Variants in CLIC5 observed in about 807,000 individuals in gnomAD.
CLIC5 encodes the protein CLIC family member 5.
Under a neutral mutation model 24.7 loss-of-function variants are expected in CLIC5, and 20 were observed. The ratio of observed to expected loss-of-function variants is 0.81; its 90% CI spans 0.57 to 1.18. CLIC5 has a LOEUF of 1.18. Among genes scored for constraint, CLIC5 ranks in the 50% most tolerant of loss-of-function variants. CLIC5 has a pLI of 0.00. For missense variants in CLIC5, 341 were observed against 326.1 expected, an observed-to-expected ratio of 1.05 and a Z score of -0.35; for synonymous variants, 159 against 135.6, an observed-to-expected ratio of 1.17 and a Z score of -1.20.
rs1762292846 is a variant in CLIC5 at position 46,061,867 on chromosome 6, A to T, written c.540+17836T>A. Among the ~76,000 whole-genome samples the T allele has an allele frequency of 2.6e-5, 4 of 152,220 alleles. No individual in the cohort carries two copies. The South Asian group carries it at 6.2e-4, about 24-fold the overall frequency. ...CTGTCTCACTAAATCCCATCACTCC[A>T]CCTTTTATATTCAGACAAGAATAAA... On this transcript the variant is annotated intron_variant, in intron 1 of 5. Transcript: ENST00000185206.
rs144539038 is a variant in CLIC5 at position 45,993,036 on chromosome 6, A to G, written c.63+22444T>C. Among the ~76,000 whole-genome samples the G allele has an allele frequency of 3.3e-5, 5 of 152,338 alleles. No homozygotes were observed. The East Asian group carries it at 7.7e-4, about 24-fold the overall frequency. Reference sequence around the variant, plus strand: ...ATATTTGAGGAGAGGTTTCCCATCAATAACCAAGAAAGCAGTTCTGGTCCA... The same window carrying G: ...ATATTTGAGGAGAGGTTTCCCATCAGTAACCAAGAAAGCAGTTCTGGTCCA... On this transcript the variant is annotated intron_variant, in intron 1 of 5. Coordinates refer to ENST00000339561, the MANE Select transcript of CLIC5 (RefSeq NM_016929.5).
chr6:46,098,814 G>A, the CLIC5 span, among the ~76,000 whole-genome samples: 1 of 152,168 alleles, frequency 6.6e-6, no homozygotes. Flanking sequence ...GAGGGCAGTG[G>A]AGGGAGGTTG....
chr6:46,029,390 C>T (rs1379056558), intron 1 of CLIC5, among the ~76,000 whole-genome samples: 1 of 152,190 alleles, frequency 6.6e-6, no homozygotes, highest in Non-Finnish European at 1.5e-5. Flanking sequence ...GAAGAACAGA[C>T]ATTTTTCTTA....
intron 4 of CLIC5, among the ~76,000 whole-genome samples, chr6:45,934,750 G>A (rs867594058): frequency 6.6e-6 from 1 of 152,172 alleles, no homozygotes; most frequent in Non-Finnish European, 1.5e-5. Flanking sequence ...AAGAAAAGGG[G>A]CAAAAGCACA....
At chr6:45,985,163 T>C (rs1382799604) in intron 1 of CLIC5, among the ~76,000 whole-genome samples, 6 of 152,082 alleles carry the variant, frequency 3.9e-5, no homozygotes, top group African/African-American at 1.4e-4. Flanking sequence ...GGGAAACCTG[T>C]GGGAGAGAAG....
chr6:45,988,317 C>G (rs565915571), intron 1 of CLIC5, among the ~76,000 whole-genome samples: 1 of 152,194 alleles, frequency 6.6e-6, no homozygotes, highest in Non-Finnish European at 1.5e-5. Flanking sequence ...TGATATCCCA[C>G]CTTCTTAGCC....
At chr6:45,933,776 G>A (rs536664338) in intron 4 of CLIC5, among the ~76,000 whole-genome samples, 3 of 152,334 alleles carry the variant, frequency 2.0e-5, no homozygotes, top group Admixed American at 6.5e-5. Flanking sequence ...AGGGAGGTTG[G>A]CGACACACGC....
At chr6:46,129,097 C>CT in the CLIC5 span, among the ~76,000 whole-genome samples, 1 of 152,108 alleles carries the variant, frequency 6.6e-6, no homozygotes, top group Non-Finnish European at 1.5e-5. Context: ...TTTATTTGTA[C>CT]TTTTTATTTG....
intron 1 of CLIC5, among the ~76,000 whole-genome samples, chr6:46,064,573 C>T (rs1762389725): frequency 6.6e-6 from 1 of 152,052 alleles, no homozygotes. Context: ...AACATATCAA[C>T]AACATTGTTG....
At chr6:45,988,974 T>C (rs888234689) in intron 1 of CLIC5, among the ~76,000 whole-genome samples, 2 of 152,168 alleles carry the variant, frequency 1.3e-5, no homozygotes, top group African/African-American at 4.8e-5. Context: ...AGAGGGTCAG[T>C]ACCTAGGGTC....
intron 1 of CLIC5, among the ~76,000 whole-genome samples, chr6:45,981,287 C>T (rs1019294838): frequency 6.6e-6 from 1 of 151,756 alleles, no homozygotes; most frequent in Non-Finnish European, 1.5e-5. Flanking sequence ...TGTCTTATTG[C>T]TATTTCATTT....
intron 1 of CLIC5, among the ~76,000 whole-genome samples, chr6:46,061,970 A>T (rs1485904755): frequency 6.6e-6 from 1 of 152,188 alleles, no homozygotes; most frequent in African/African-American, 2.4e-5. Flanking sequence ...CTGTAATAGC[A>T]CTGTCCTACA....
chr6:46,028,924 G>T (rs183436072), intron 1 of CLIC5, among the ~76,000 whole-genome samples: 82 of 152,162 alleles, frequency 5.4e-4, no homozygotes, highest in Non-Finnish European at 5.9e-4. Flanking sequence ...GTATCCTATG[G>T]AGTATTTTCA....
intron 6 of CLIC5, among the ~76,000 whole-genome samples, chr6:45,889,972 A>G (rs1762335876): frequency 6.6e-6 from 1 of 152,238 alleles, no homozygotes; most frequent in Non-Finnish European, 1.5e-5. Flanking sequence ...AGAATGTGAA[A>G]CATATATTAA....
chr6:46,031,887 T>TAC (rs1767510880), intron 1 of CLIC5, among the ~76,000 whole-genome samples: 2 of 146,714 alleles, frequency 1.4e-5, no homozygotes, highest in African/African-American at 2.5e-5. Context: ...CATATATATA[T>TAC]ACACACATAT....
upstream of CLIC5, among the ~76,000 whole-genome samples, chr6:46,083,868 A>G (rs976129631): frequency 2.7e-3 from 414 of 152,122 alleles, no homozygotes; most frequent in African/African-American, 8.8e-3. Flanking sequence ...TAATGTTGAC[A>G]GTGGGGTGTT....
Position 46,015,697 on chromosome 6 carries a change from G to T in CLIC5, c.-155C>A. ...AACCATCTATTCTCCAGCCCGAGCAGCGGGGTCTGAGAGATCAGTGTCCCA... is the reference window on the plus strand; with the variant it reads ...AACCATCTATTCTCCAGCCCGAGCATCGGGGTCTGAGAGATCAGTGTCCCA... On this transcript the variant is annotated 5_prime_UTR_variant, in exon 1 of 6. It adds an upstream start codon to the 5' untranslated region. Transcript: ENST00000339561. 1 of 1,286,992 alleles carries T rather than the reference G, an allele frequency of 7.8e-7. No individual in the cohort carries two copies. The highest frequency in any genetic ancestry group is 9.9e-7 in the Non-Finnish European group (1 of 1,013,436). The allele number at this position is 1,286,992 out of a possible 1,614,324, so 79.7% of individuals were successfully genotyped here. A position where few individuals can be genotyped will look rare whatever the true frequency, so the allele number is the denominator to read the frequency against.
chr6:46,114,953 T>C, the CLIC5 span, among the ~76,000 whole-genome samples: 3 of 152,284 alleles, frequency 2.0e-5, no homozygotes, highest in South Asian at 2.1e-4. Context: ...CCAGGGATGA[T>C]AACAAGACAG....
the CLIC5 span, among the ~76,000 whole-genome samples, chr6:46,101,228 C>T: frequency 2.6e-5 from 4 of 152,128 alleles, no homozygotes; most frequent in African/African-American, 9.7e-5. Context: ...GAAGCCTATA[C>T]AAACATGCCT....
Sources: gnomAD v4.1 joint callset for allele counts (sites outside exome capture counted in the v4.1 genomes callset) on GRCh38, gnomAD v4.1.1 for gene constraint, MANE v1.5 for transcripts, NCBI Gene and HGNC (gene_info 2026-07-23, HGNC 2026-07-21) for gene names.